The following SAXO4 variants were observed in gnomAD, a reference collection of about 807,000 sequenced individuals.
SAXO4 encodes protein phosphatase 1 regulatory subunit 32.
chr11:61,489,869 C>G, the SAXO4 span: 39 of 1,613,800 alleles, frequency 2.4e-5, no homozygotes, highest in Non-Finnish European at 3.1e-5. Context: ...GCTACGCCCT[C>G]AGCCAGCCGG....
the SAXO4 span, chr11:61,489,895 C>T: frequency 4.3e-6 from 7 of 1,613,856 alleles, no homozygotes; most frequent in Non-Finnish European, 5.1e-6. Flanking sequence ...TGCATGGAGG[C>T]CACCCCCAAC....
chr11:61,485,062 C>T, the SAXO4 span, among the ~76,000 whole-genome samples: 1 of 152,230 alleles, frequency 6.6e-6, no homozygotes, highest in Non-Finnish European at 1.5e-5. Flanking sequence ...TGCTCACGGC[C>T]CCTCCTGGTC....
the SAXO4 span, among the ~76,000 whole-genome samples, chr11:61,483,003 A>G: frequency 7.4e-6 from 1 of 135,234 alleles, no homozygotes; most frequent in Non-Finnish European, 1.6e-5. Context: ...TCCCTGCCCC[A>G]GCCCCACCAT....
At chr11:61,482,927 A>G in the SAXO4 span, 2 of 1,053,436 alleles carry the variant, frequency 1.9e-6, no homozygotes, top group East Asian at 5.4e-5. Context: ...CCTTGTAGGG[A>G]TGGGGTCCAC....
At chr11:61,490,399 C>T in the SAXO4 span, 33 of 1,090,174 alleles carry the variant, frequency 3.0e-5, no homozygotes, top group African/African-American at 4.8e-4. Flanking sequence ...CTGGCTGAAC[C>T]CTGGCTATGC....
chr11:61,487,493 T>C, the SAXO4 span, among the ~76,000 whole-genome samples: 2 of 152,104 alleles, frequency 1.3e-5, no homozygotes, highest in African/African-American at 4.8e-5. Context: ...GCTATCCCAC[T>C]GGGAAAACTC....
At chr11:61,485,634 C>T in the SAXO4 span, among the ~76,000 whole-genome samples, 8 of 152,294 alleles carry the variant, frequency 5.3e-5, no homozygotes, top group South Asian at 1.7e-3. Context: ...CTCCTGTCCT[C>T]CGGCCTGGAC....
the SAXO4 span, among the ~76,000 whole-genome samples, chr11:61,483,147 C>A: frequency 4.7e-5 from 7 of 150,414 alleles, no homozygotes; most frequent in East Asian, 5.9e-4. Flanking sequence ...CTCACCCCAT[C>A]TTTTTCATTT....
the SAXO4 span, among the ~76,000 whole-genome samples, chr11:61,486,152 T>C: frequency 6.6e-6 from 1 of 152,238 alleles, no homozygotes; most frequent in Non-Finnish European, 1.5e-5. Flanking sequence ...AGCCCTGGCC[T>C]GCTGGTCCCA....
chr11:61,483,025 C>G, the SAXO4 span, among the ~76,000 whole-genome samples: 3 of 151,856 alleles, frequency 2.0e-5, no homozygotes, highest in Non-Finnish European at 4.4e-5. Flanking sequence ...ACCTCCACCT[C>G]CATTTCCATC....
the SAXO4 span, chr11:61,486,315 G>GCTGACATCCTCTGTGGGC: frequency 1.9e-6 from 3 of 1,612,076 alleles, no homozygotes; most frequent in Non-Finnish European, 2.5e-6. Flanking sequence ...CCTCTGCGGG[G>GCTGACATCCTCTGTGGGC]CTGACATCCT....
the SAXO4 span, chr11:61,490,738 C>T: frequency 1.2e-5 from 8 of 659,846 alleles, no homozygotes; most frequent in South Asian, 1.7e-5. Context: ...TCTCAGAACC[C>T]CTTCTCTGCC....
chr11:61,489,656 T>C, the SAXO4 span: 18,212 of 969,846 alleles, frequency 0.019, 918 homozygotes, highest in African/African-American at 0.16. Flanking sequence ...TAGGGAGAGC[T>C]AGACGAGGAC....
chr11:61,483,294 G>A, the SAXO4 span, among the ~76,000 whole-genome samples: 47 of 149,996 alleles, frequency 3.1e-4, no homozygotes, highest in South Asian at 9.5e-3. Flanking sequence ...AGCCTCCCCA[G>A]TAGCTGGGAT....
chr11:61,490,914 G>A, the SAXO4 span: 1 of 338,752 alleles, frequency 3.0e-6, no homozygotes, highest in Non-Finnish European at 5.5e-6. Flanking sequence ...ATGAAATAAA[G>A]AGCATTGAAG....
the SAXO4 span, chr11:61,489,716 G>GGGCA: frequency 1.3e-6 from 2 of 1,547,160 alleles, no homozygotes; most frequent in African/African-American, 1.4e-5. Flanking sequence ...CGATGGAGAA[G>GGGCA]GGCAGCAGGG....
the SAXO4 span, chr11:61,490,580 C>T: frequency 1.2e-5 from 19 of 1,613,258 alleles, no homozygotes; most frequent in Admixed American, 6.7e-5. Context: ...AGCCCTGAGC[C>T]CTTGGTAAGG....
chr11:61,489,874 A>C, the SAXO4 span: 2 of 1,613,828 alleles, frequency 1.2e-6, no homozygotes, highest in Admixed American at 3.3e-5. Flanking sequence ...GCCCTCAGCC[A>C]GCCGGTCAGC....
the SAXO4 span, chr11:61,489,429 G>T: frequency 0.014 from 7,771 of 547,658 alleles, 489 homozygotes; most frequent in African/African-American, 0.13. Context: ...TCTGGACCTG[G>T]CTGTGCTCAG....
Sources: gnomAD v4.1 joint callset for allele counts (sites outside exome capture counted in the v4.1 genomes callset) on GRCh38, gnomAD v4.1.1 for gene constraint, MANE v1.5 for transcripts, NCBI Gene and HGNC (gene_info 2026-07-23, HGNC 2026-07-21) for gene names.